Variants in NXN observed in about 807,000 individuals in gnomAD.
The protein encoded by NXN is nucleoredoxin 1.
Under a neutral mutation model 48.6 loss-of-function variants are expected in NXN, and 16 were observed. The observed-to-expected ratio is 0.33, with a 90% CI of 0.22 to 0.50. The LOEUF is 0.50. Ranked by LOEUF, NXN falls within the 20% of genes least tolerant of loss-of-function variation. The pLI is 0.98. For missense variants in NXN, 492 were observed against 605.5 expected, an observed-to-expected ratio of 0.81 and a Z score of 1.97; for synonymous variants, 281 against 269.6, an observed-to-expected ratio of 1.04 and a Z score of -0.41.
At chr17:829,048 C>T (rs866836232) in intron 1 of NXN, among the ~76,000 whole-genome samples, 1 of 151,996 alleles carries the variant, frequency 6.6e-6, no homozygotes, top group Non-Finnish European at 1.5e-5. Flanking sequence ...AATGAGAGAG[C>T]CCATTTCCCA....
intron 5 of NXN, among the ~76,000 whole-genome samples, chr17:817,541 T>C (rs372039309): frequency 1.5e-4 from 23 of 151,886 alleles, no homozygotes; most frequent in East Asian, 3.9e-4. Flanking sequence ...GTGTGGTGGG[T>C]GCCTGTGGTC....
intron 1 of NXN, among the ~76,000 whole-genome samples, chr17:955,162 C>CTTTTTTTTTTTTTTTTTTTTTTTTTTT (rs749641262): frequency 8.0e-6 from 1 of 125,180 alleles, no homozygotes; most frequent in Non-Finnish European, 1.7e-5. Context: ...TCATCTCTTT[C>CTTTTTTTTTTTTTTTTTTTTTTTTTTT]TTTTTTTTTT....
At chr17:847,969 C>A (rs1358140788) in intron 1 of NXN, among the ~76,000 whole-genome samples, 1 of 152,112 alleles carries the variant, frequency 6.6e-6, no homozygotes, top group Non-Finnish European at 1.5e-5. Flanking sequence ...TCCAGACCAA[C>A]ATCAATTCTC....
At chr17:909,579 C>A (rs1004523250) in intron 1 of NXN, 7 of 147,744 alleles carry the variant, frequency 4.7e-5, no homozygotes, top group African/African-American at 1.5e-4. Context: ...TGCTCTGTCC[C>A]CCAGGCTGGA....
rs977936104 is a variant in NXN at position 818,946 on chromosome 17, T to A, written c.820+493A>T. Among the ~76,000 whole-genome samples, 13 of 151,740 alleles carry A rather than the reference T, an allele frequency of 8.6e-5. 1 individual carries two copies. The stretch of plus-strand genomic sequence containing the variant: ...AAGTAGCTGTCTTACTAAGACAGTA[T>A]TTAGTAGTAGTATTTTTTGAGACAG... On this transcript the variant is annotated intron_variant, in intron 5 of 7. Transcript: ENST00000336868.
At chr17:847,323 C>T (rs550609072) in intron 1 of NXN, among the ~76,000 whole-genome samples, 2 of 151,976 alleles carry the variant, frequency 1.3e-5, no homozygotes, top group African/African-American at 4.8e-5. Flanking sequence ...TTTCCTGCTT[C>T]AGGAAGTCCC....
intron 1 of NXN, chr17:864,036 G>T (rs1212034453): frequency 2.3e-5 from 35 of 1,516,248 alleles, no homozygotes; most frequent in Non-Finnish European, 3.1e-5. Flanking sequence ...TCCGGTGAAG[G>T]GACACGTCTG....
intron 1 of NXN, chr17:864,037 G>C (rs1237808347): frequency 7.9e-6 from 12 of 1,516,678 alleles, no homozygotes; most frequent in Non-Finnish European, 1.1e-5. Flanking sequence ...CCGGTGAAGG[G>C]ACACGTCTGC....
chr17:864,833 G>A (rs2068080203), intron 1 of NXN, among the ~76,000 whole-genome samples: 1 of 152,192 alleles, frequency 6.6e-6, no homozygotes, highest in African/African-American at 2.4e-5. Flanking sequence ...AGGCAACCCA[G>A]GCGGTGTTCT....
chr17:934,670 T>C (rs929116215), intron 1 of NXN, among the ~76,000 whole-genome samples: 2 of 151,766 alleles, frequency 1.3e-5, no homozygotes, highest in African/African-American at 4.8e-5. Flanking sequence ...GGTCAGGAGT[T>C]CGGGACCAGC....
At position 805,115 on chromosome 17, in the gene NXN, G is replaced by C. The variant is rs539986362; in HGVS notation, c.953C>G (p.Ser318Cys). 26 of 1,610,308 alleles carry C rather than the reference G, an allele frequency of 1.6e-5. No individual in the cohort carries two copies. In the South Asian group the frequency reaches 2.7e-4, roughly 16 times the overall value. The change falls in exon 6 of 8, where the codon TCC becomes TGC. Residue 318 changes from serine to cysteine, a missense_variant. Ser to Cys is a moderately radical substitution (Grantham distance 112). Transcript: ENST00000336868. ...HPKPVLELSD[S>C]NAAQLNEGPC... ...GCCCTCGTTAAGCTGCGCGGCGTTGGAGTCGGAGAGCTCCAGCACGGGCTT... is the reference window on the plus strand; with the variant it reads ...GCCCTCGTTAAGCTGCGCGGCGTTGCAGTCGGAGAGCTCCAGCACGGGCTT...
intron 1 of NXN, among the ~76,000 whole-genome samples, chr17:886,688 G>T (rs1387995129): frequency 6.6e-6 from 1 of 151,600 alleles, no homozygotes; most frequent in Non-Finnish European, 1.5e-5. Flanking sequence ...TGAGGCAGGA[G>T]AATCACTTCA....
chr17:857,866 C>T (rs899355521), intron 1 of NXN, among the ~76,000 whole-genome samples: 2 of 152,074 alleles, frequency 1.3e-5, no homozygotes, highest in South Asian at 2.1e-4. Flanking sequence ...AGTTTTCTTT[C>T]GGTCCTTCCA....
intron 1 of NXN, chr17:863,881 G>C (rs2144786679): frequency 8.0e-7 from 1 of 1,246,176 alleles, no homozygotes; most frequent in Non-Finnish European, 1.1e-6. Flanking sequence ...CATACCCACT[G>C]CTTACACAGA....
chr17:855,533 T>C (rs1258867694), intron 1 of NXN, among the ~76,000 whole-genome samples: 1 of 152,032 alleles, frequency 6.6e-6, no homozygotes, highest in Non-Finnish European at 1.5e-5. Flanking sequence ...CACGAACAGG[T>C]TTGTTGAAAA....
intron 1 of NXN, among the ~76,000 whole-genome samples, chr17:926,280 G>A (rs934701458): frequency 3.9e-5 from 6 of 152,034 alleles, no homozygotes; most frequent in Admixed American, 2.0e-4. Context: ...TCAACCTCCC[G>A]GGCTCAAGCA....
chr17:891,085 ATCCG>A (rs780877201), intron 1 of NXN, among the ~76,000 whole-genome samples: 2 of 121,688 alleles, frequency 1.6e-5, no homozygotes, highest in Admixed American at 1.5e-4. Flanking sequence ...CTGTCCGTCC[ATCCG>A]TCCGTCCATC....
intron 1 of NXN, among the ~76,000 whole-genome samples, chr17:966,989 A>G (rs972062496): frequency 2.6e-5 from 4 of 152,148 alleles, no homozygotes; most frequent in African/African-American, 9.7e-5. Flanking sequence ...GGCTGAGGTC[A>G]GAATGGACTT....
At chr17:848,480 G>T (rs1486650140) in intron 1 of NXN, among the ~76,000 whole-genome samples, 1 of 152,182 alleles carries the variant, frequency 6.6e-6, no homozygotes, top group Non-Finnish European at 1.5e-5. Context: ...GGCTTAACAC[G>T]AGCAGGATTT....
Sources: gnomAD v4.1 joint callset for allele counts (sites outside exome capture counted in the v4.1 genomes callset) on GRCh38, gnomAD v4.1.1 for gene constraint, MANE v1.5 for transcripts, NCBI Gene and HGNC (gene_info 2026-07-23, HGNC 2026-07-21) for gene names.